The following GALNT13 variants were observed in gnomAD, a reference collection of about 807,000 sequenced individuals.
GALNT13 encodes polypeptide N-acetylgalactosaminyltransferase 13.
A neutral mutation model predicts 64.2 loss-of-function variants in GALNT13; 28 were observed. That is an observed-to-expected ratio of 0.44 (90% CI 0.32 to 0.60). The LOEUF (loss-of-function observed/expected upper bound fraction) is 0.60, where lower values mean the gene tolerates loss of function less well. GALNT13 is among the 20% of genes least tolerant of loss of function. GALNT13 has a pLI of 0.05. For synonymous variants in GALNT13, 214 were observed against 224.6 expected (o/e 0.95, Z 0.42); for missense variants, 577 against 669.8 (o/e 0.86, Z 1.53).
chr2:153,464,059 G>C, the GALNT13 span, among the ~76,000 whole-genome samples: 1 of 152,046 alleles, frequency 6.6e-6, no homozygotes, highest in African/African-American at 2.4e-5. Flanking sequence ...ACAAAAGATT[G>C]TCCAGGCATC....
At chr2:154,156,694 C>G (rs1684442356) in intron 4 of GALNT13, among the ~76,000 whole-genome samples, 1 of 152,096 alleles carries the variant, frequency 6.6e-6, no homozygotes, top group Non-Finnish European at 1.5e-5. Flanking sequence ...CTCTCAACCA[C>G]TACAGAACAC....
In GALNT13 at chr2:154,166,699, T is replaced by G. The variant is rs1427412476; in HGVS notation, c.311+26194T>G. 3.9e-5 allele frequency among the ~76,000 whole-genome samples: 6 copies of G among 152,326 alleles called. 1 individual carries two copies. The East Asian group carries it at 9.7e-4, about 25-fold the overall frequency. On this transcript the variant is annotated intron_variant, in intron 4 of 12. Coordinates refer to ENST00000392825, the MANE Select transcript of GALNT13 (RefSeq NM_052917.4). ...ACACATATGTTTATTGTGGCACTAT[T>G]CACAATAGCAAAGACTTGGAACCAA...
chr2:153,095,608 T>C, the GALNT13 span, among the ~76,000 whole-genome samples: 1 of 152,190 alleles, frequency 6.6e-6, no homozygotes, highest in Non-Finnish European at 1.5e-5. Flanking sequence ...TGCAGCACTA[T>C]TCACAATAGC....
At chr2:154,355,594 T>C (rs569627651) in intron 9 of GALNT13, among the ~76,000 whole-genome samples, 1 of 152,190 alleles carries the variant, frequency 6.6e-6, no homozygotes, top group East Asian at 1.9e-4. Flanking sequence ...CTCATTGTAG[T>C]GCTGGGAAAA....
the GALNT13 span, among the ~76,000 whole-genome samples, chr2:153,269,198 T>A: frequency 6.6e-6 from 1 of 152,222 alleles, no homozygotes; most frequent in Non-Finnish European, 1.5e-5. Flanking sequence ...AAATAAAAGT[T>A]TCACTTTCAG....
the GALNT13 span, among the ~76,000 whole-genome samples, chr2:153,258,431 G>A: frequency 6.8e-6 from 1 of 146,762 alleles, no homozygotes; most frequent in African/African-American, 2.5e-5. Context: ...TTGATCTCTT[G>A]TATTTTTTAG....
At chr2:153,646,766 A>T in the GALNT13 span, among the ~76,000 whole-genome samples, 1 of 152,050 alleles carries the variant, frequency 6.6e-6, no homozygotes, top group African/African-American at 2.4e-5. Context: ...TTCCAGCTTC[A>T]TCCATGTCCC....
chr2:153,563,482 C>T, the GALNT13 span, among the ~76,000 whole-genome samples: 1 of 152,080 alleles, frequency 6.6e-6, no homozygotes, highest in South Asian at 2.1e-4. Flanking sequence ...TTCTTTTGTA[C>T]ATATTGAGTG....
At chr2:153,380,237 C>A in the GALNT13 span, among the ~76,000 whole-genome samples, 1 of 152,126 alleles carries the variant, frequency 6.6e-6, no homozygotes, top group Admixed American at 6.6e-5. Flanking sequence ...CAAGTTTCTT[C>A]AAACAGTACA....
chr2:154,195,686 A>C (rs894846913), intron 4 of GALNT13, among the ~76,000 whole-genome samples: 2 of 152,152 alleles, frequency 1.3e-5, no homozygotes, highest in African/African-American at 4.8e-5. Flanking sequence ...TCTTTGTGGT[A>C]ATTAAAAATG....
At chr2:154,261,156 A>G (rs1281566829) in intron 8 of GALNT13, among the ~76,000 whole-genome samples, 2 of 152,180 alleles carry the variant, frequency 1.3e-5, no homozygotes, top group Admixed American at 6.6e-5. Flanking sequence ...ATGATAGATG[A>G]TGCAGATACC....
At chr2:153,208,926 T>C in the GALNT13 span, among the ~76,000 whole-genome samples, 1 of 151,458 alleles carries the variant, frequency 6.6e-6, no homozygotes, top group South Asian at 2.1e-4. Flanking sequence ...AGAAGTTTTA[T>C]AGCTTTAGGT....
chr2:154,170,906 CT>C (rs1648847652), intron 4 of GALNT13, among the ~76,000 whole-genome samples: 1 of 152,062 alleles, frequency 6.6e-6, no homozygotes, highest in African/African-American at 2.4e-5. Context: ...TCTGGAACAA[CT>C]TGGGTAGTTT....
At chr2:154,126,468 T>G (rs1390284193) in intron 3 of GALNT13, among the ~76,000 whole-genome samples, 1 of 151,760 alleles carries the variant, frequency 6.6e-6, no homozygotes, top group Admixed American at 6.6e-5. Flanking sequence ...ACCCCGTCTC[T>G]ACTAAAAATA....
intron 3 of GALNT13, among the ~76,000 whole-genome samples, chr2:154,136,954 TG>T (rs201142944): frequency 2.2e-4 from 33 of 151,448 alleles, no homozygotes; most frequent in African/African-American, 3.6e-4. Context: ...AGATGACAAG[TG>T]GTTTTTTTTT....
chr2:154,137,008 G>A (rs943713213), intron 3 of GALNT13, among the ~76,000 whole-genome samples: 4 of 151,658 alleles, frequency 2.6e-5, no homozygotes, highest in Non-Finnish European at 4.4e-5. Context: ...GAGTACATGA[G>A]TCTCTTTGTG....
At chr2:153,717,242 C>G in the GALNT13 span, among the ~76,000 whole-genome samples, 1 of 152,170 alleles carries the variant, frequency 6.6e-6, no homozygotes, top group African/African-American at 2.4e-5. Flanking sequence ...TAATTGCTAG[C>G]AGTGTTGCCA....
chr2:153,392,380 C>T, the GALNT13 span, among the ~76,000 whole-genome samples: 1 of 151,626 alleles, frequency 6.6e-6, no homozygotes, highest in Admixed American at 6.6e-5. Flanking sequence ...CCTTAAGACC[C>T]GGGTCATTAT....
intron 3 of GALNT13, among the ~76,000 whole-genome samples, chr2:153,971,275 T>A (rs574521723): frequency 6.6e-6 from 1 of 152,150 alleles, no homozygotes; most frequent in African/African-American, 2.4e-5. Context: ...ATCTCTACAC[T>A]CGCTGTCCTT....
Sources: allele counts gnomAD v4.1 joint callset (sites outside exome capture counted in the v4.1 genomes callset), GRCh38; gene constraint gnomAD v4.1.1; transcripts MANE v1.5; gene names NCBI Gene and HGNC (gene_info 2026-07-23, HGNC 2026-07-21).